NDE1: variants seen among roughly 807,000 people sequenced by gnomAD.
NDE1 encodes nudE neurodevelopment protein 1.
In NDE1, 28 loss-of-function variants were observed where a neutral mutation model predicts 43.4. The observed-to-expected ratio is 0.65, with a 90% confidence interval of 0.48 to 0.89. NDE1 has a LOEUF of 0.89. Ranked by LOEUF, NDE1 falls within the 40% of genes least tolerant of loss-of-function variation. NDE1 has a pLI of 0.00. For missense variants in NDE1, 441 were observed against 434.1 expected (o/e 1.02, Z -0.14); for synonymous variants, 184 against 172.0 (o/e 1.07, Z -0.55).
At chr16:15,669,136 A>G (rs1173045513) in intron 3 of NDE1, among the ~76,000 whole-genome samples, 1 of 150,146 alleles carries the variant, frequency 6.7e-6, no homozygotes, top group Non-Finnish European at 1.5e-5. Context: ...TCCTGACCTC[A>G]GGATCCGCCT....
chr16:15,682,757 C>A (rs966736853), intron 4 of NDE1, among the ~76,000 whole-genome samples: 1 of 152,090 alleles, frequency 6.6e-6, no homozygotes, highest in Non-Finnish European at 1.5e-5. Context: ...CAGAGTCTTG[C>A]TCTGTAGCCC....
intron 8 of NDE1, chr16:15,701,101 G>C (rs1035639424): frequency 2.0e-5 from 3 of 152,144 alleles, no homozygotes; most frequent in Non-Finnish European, 4.4e-5. Context: ...GCTGGGTGCA[G>C]TGGTGCGTGC....
At chr16:15,664,959 G>T in intron 2 of NDE1, 98 bp downstream of exon 2, 2 of 926,100 alleles carry the variant, frequency 2.2e-6, no homozygotes, top group Admixed American at 2.0e-5. Flanking sequence ...TCCTAGGCGT[G>T]ATCATAGTGC....
At chr16:15,676,467 C>T (rs1360426862) in intron 3 of NDE1, among the ~76,000 whole-genome samples, 1 of 152,040 alleles carries the variant, frequency 6.6e-6, no homozygotes, top group Non-Finnish European at 1.5e-5. Context: ...CCACCTCAGC[C>T]CTCCAAAGTG....
At chr16:15,682,815 C>T (rs768513515) in intron 4 of NDE1, among the ~76,000 whole-genome samples, 52 of 152,082 alleles carry the variant, frequency 3.4e-4, no homozygotes, top group Admixed American at 9.8e-4. Context: ...GCCTCTGCCT[C>T]CCAGGTTCAA....
At chr16:15,695,794 AT>A in intron 7 of NDE1, 1 of 816,730 alleles carries the variant, frequency 1.2e-6, no homozygotes, top group Non-Finnish European at 1.5e-6. Context: ...GCATTTCAGT[AT>A]TTAGCCTAGT....
rs2038503690 is a variant in NDE1 at position 15,687,580 on chromosome 16, A to G, written c.523+69A>G. Reference sequence around the variant, plus strand: ...TACCTGAGCAACATCTTGTCCCACAAGCTCTCCCAGCATTATCTTTACAGG... The same window carrying G: ...TACCTGAGCAACATCTTGTCCCACAGGCTCTCCCAGCATTATCTTTACAGG... On this transcript the variant is annotated intron_variant, in intron 5 of 8. Coordinates refer to ENST00000396354, the MANE Select transcript of NDE1 (RefSeq NM_017668.3). The G allele has an allele frequency of 2.8e-6, 4 of 1,407,934 alleles. No individual in the cohort carries two copies. The African/African-American group carries it at 4.2e-5, about 15-fold the overall frequency. 87.2% of individuals were successfully genotyped at this position (1,407,934 alleles called of 1,614,324 possible). A position where few individuals can be genotyped will look rare whatever the true frequency, so the allele number is the denominator to read the frequency against.
At chr16:15,698,467 C>G (rs1236852279) in intron 8 of NDE1, among the ~76,000 whole-genome samples, 1 of 152,126 alleles carries the variant, frequency 6.6e-6, no homozygotes, top group African/African-American at 2.4e-5. Context: ...CTCTGGGCCC[C>G]AAGCCGTAGG....
At chr16:15,683,312 T>C (rs1028752765) in intron 4 of NDE1, 6 of 152,162 alleles carry the variant, frequency 3.9e-5, no homozygotes, top group African/African-American at 1.4e-4. Flanking sequence ...TCACAAATTA[T>C]TGCAATATTT....
At chr16:15,670,049 C>T (rs1419590201) in intron 3 of NDE1, among the ~76,000 whole-genome samples, 2 of 152,306 alleles carry the variant, frequency 1.3e-5, no homozygotes, top group East Asian at 3.9e-4. Context: ...AGGCCAGCTT[C>T]ATAAACATCC....
intron 4 of NDE1, among the ~76,000 whole-genome samples, chr16:15,686,807 C>A (rs1002023334): frequency 6.6e-6 from 1 of 152,154 alleles, no homozygotes; most frequent in African/African-American, 2.4e-5. Context: ...CCTGGCAGTT[C>A]TCCCACCTCA....
intron 8 of NDE1, among the ~76,000 whole-genome samples, chr16:15,707,061 TAG>T (rs970320643): frequency 1.4e-4 from 21 of 152,172 alleles, no homozygotes; most frequent in African/African-American, 2.2e-4. Context: ...TTTTTTGAAA[TAG>T]AGTCTCGCTG....
intron 5 of NDE1, among the ~76,000 whole-genome samples, chr16:15,689,302 C>A (rs2038608209): frequency 6.6e-6 from 1 of 152,096 alleles, no homozygotes; most frequent in Admixed American, 6.6e-5. Flanking sequence ...TGAGCCTGGA[C>A]AACATAGTGA....
chr16:15,705,213 C>T (rs2039381755), intron 8 of NDE1, among the ~76,000 whole-genome samples: 1 of 152,186 alleles, frequency 6.6e-6, no homozygotes, highest in Non-Finnish European at 1.5e-5. Flanking sequence ...AACTCCTGGC[C>T]TCAAACGATC....
intron 1 of NDE1, among the ~76,000 whole-genome samples, chr16:15,663,094 A>C (rs1014563655): frequency 6.6e-6 from 1 of 152,066 alleles, no homozygotes; most frequent in African/African-American, 2.4e-5. Flanking sequence ...CCTTTATTTC[A>C]GTCTGTCCAG....
chr16:15,697,095 C>G (rs2039051838), intron 8 of NDE1: 1 of 977,080 alleles, frequency 1.0e-6, no homozygotes, highest in Non-Finnish European at 1.2e-6. Flanking sequence ...GTCACCTAGG[C>G]TAGAATACGA....
At chr16:15,715,024 C>T (rs756666289) in intron 8 of NDE1, 2 of 1,613,896 alleles carry the variant, frequency 1.2e-6, no homozygotes. Flanking sequence ...TGGGACTCCT[C>T]CTCTGCCTCC....
intron 8 of NDE1, among the ~76,000 whole-genome samples, chr16:15,710,160 C>T (rs2039697899): frequency 6.6e-6 from 1 of 152,138 alleles, no homozygotes; most frequent in Non-Finnish European, 1.5e-5. Flanking sequence ...TCCACTTTGC[C>T]CTTGGCTGCC....
intron 4 of NDE1, among the ~76,000 whole-genome samples, chr16:15,682,867 T>C (rs779807866): frequency 6.6e-6 from 1 of 152,030 alleles, no homozygotes; most frequent in Non-Finnish European, 1.5e-5. Context: ...TGGGACTACA[T>C]TGCATGTGCC....
Sources: allele counts gnomAD v4.1 joint callset (sites outside exome capture counted in the v4.1 genomes callset), GRCh38; gene constraint gnomAD v4.1.1; transcripts MANE v1.5; gene names NCBI Gene and HGNC (gene_info 2026-07-23, HGNC 2026-07-21).